L3MBTL4: variants seen among roughly 807,000 people sequenced by gnomAD.
L3MBTL4 encodes the protein lethal(3)malignant brain tumor-like protein 4.
In L3MBTL4, 70 loss-of-function variants were observed where a neutral mutation model predicts 84.5. The ratio of observed to expected loss-of-function variants is 0.83; its 90% confidence interval spans 0.68 to 1.01. L3MBTL4 has a LOEUF of 1.01. Ranked by LOEUF, L3MBTL4 falls within the 50% of genes least tolerant of loss-of-function variation. The pLI is 0.00. For synonymous variants in L3MBTL4, 274 were observed against 259.8 expected, an observed-to-expected ratio of 1.05 and a Z score of -0.52; for missense variants, 715 against 754.8, an observed-to-expected ratio of 0.95 and a Z score of 0.62.
intron 1 of L3MBTL4, among the ~76,000 whole-genome samples, chr18:6,349,465 A>G (rs341193): frequency 0.26 from 39,113 of 152,114 alleles, 6,286 homozygotes; most frequent in African/African-American, 0.46. Context: ...GCGGTGACTC[A>G]TGTCTATAAT....
rs533897435 is a variant in L3MBTL4 at position 6,029,803 on chromosome 18, G to A, written c.1444+51078C>T. Reference sequence around the variant, plus strand: ...AAAAACTGATATTAAAGTTCATTTGGAAAAATGAACGAGTAAGGGTAGCTG... The same window carrying A: ...AAAAACTGATATTAAAGTTCATTTGAAAAAATGAACGAGTAAGGGTAGCTG... On this transcript the variant is annotated intron_variant, in intron 16 of 18. Transcript: ENST00000317931. The A allele has an allele frequency of 7.3e-5, 72 of 985,358 alleles. No individual in the cohort carries two copies. In the African/African-American group the frequency reaches 1.1e-3, roughly 15 times the overall value. The allele number at this position is 985,358 out of a possible 1,614,324, so 61.0% of individuals were successfully genotyped here. A position where few individuals can be genotyped will look rare whatever the true frequency, so the allele number is the denominator to read the frequency against.
At chr18:5,983,612 C>T (rs571298) in intron 16 of L3MBTL4, among the ~76,000 whole-genome samples, 59,224 of 151,934 alleles carry the variant, frequency 0.39, 13,981 homozygotes, top group African/African-American at 0.66. Flanking sequence ...TTGGTTATCA[C>T]GGGTAATATT....
chr18:6,314,040 A>T (rs1274152235), intron 1 of L3MBTL4, among the ~76,000 whole-genome samples: 1 of 6,662 alleles, frequency 1.5e-4, no homozygotes, highest in African/African-American at 6.9e-4. Context: ...GGCAGATGAT[A>T]GATAGATAGA....
At chr18:6,134,098 G>A (rs1245939549) in intron 14 of L3MBTL4, among the ~76,000 whole-genome samples, 2 of 152,078 alleles carry the variant, frequency 1.3e-5, no homozygotes, top group Non-Finnish European at 2.9e-5. Context: ...GAGGGTGAAA[G>A]GCACTTCTTA....
chr18:6,382,815 C>T (rs892011974), intron 1 of L3MBTL4, among the ~76,000 whole-genome samples: 7 of 152,206 alleles, frequency 4.6e-5, no homozygotes, highest in Non-Finnish European at 1.5e-5. Flanking sequence ...AGGAGGCAGT[C>T]TGACCCTTAG....
At chr18:6,238,548 A>G (rs1357773629) in intron 9 of L3MBTL4, among the ~76,000 whole-genome samples, 1 of 152,126 alleles carries the variant, frequency 6.6e-6, no homozygotes, top group African/African-American at 2.4e-5. Context: ...AAAAAAGTAT[A>G]AAATTAACAG....
chr18:6,243,530 T>C, intron 6 of L3MBTL4, 101 bp from the exon 7 acceptor site: 1 of 917,092 alleles, frequency 1.1e-6, no homozygotes, highest in Non-Finnish European at 1.6e-6. Context: ...ACTATCAACA[T>C]ATAAGAGCCA....
chr18:6,163,182 A>G (rs2145039455), intron 13 of L3MBTL4, among the ~76,000 whole-genome samples: 1 of 148,208 alleles, frequency 6.7e-6, no homozygotes, highest in South Asian at 2.2e-4. Context: ...TGGAAAAAGA[A>G]TTCAGTGATA....
chr18:6,066,434 A>G (rs2057401344), intron 16 of L3MBTL4, among the ~76,000 whole-genome samples: 1 of 152,066 alleles, frequency 6.6e-6, no homozygotes, highest in Non-Finnish European at 1.5e-5. Context: ...ATGATCTTCT[A>G]GTACTGTTGG....
At chr18:5,963,437 C>T (rs113654629) in intron 17 of L3MBTL4, among the ~76,000 whole-genome samples, 2 of 152,332 alleles carry the variant, frequency 1.3e-5, no homozygotes, top group East Asian at 1.9e-4. Flanking sequence ...AGAGCAGACG[C>T]GGCCCTGCCC....
intron 5 of L3MBTL4, among the ~76,000 whole-genome samples, chr18:6,253,012 G>A (rs1380995858): frequency 6.6e-6 from 1 of 152,140 alleles, no homozygotes; most frequent in African/African-American, 2.4e-5. Context: ...GACCATCCTG[G>A]CCAACGTGGT....
chr18:6,199,262 AC>A (rs1448286335), intron 12 of L3MBTL4, among the ~76,000 whole-genome samples: 1 of 152,164 alleles, frequency 6.6e-6, no homozygotes, highest in East Asian at 1.9e-4. Flanking sequence ...CACTATTTCT[AC>A]TTGCAACTGG....
chr18:6,043,468 C>A (rs1429504171), intron 16 of L3MBTL4, among the ~76,000 whole-genome samples: 2 of 152,182 alleles, frequency 1.3e-5, no homozygotes, highest in Non-Finnish European at 2.9e-5. Context: ...TCATCACCTG[C>A]TGCTCATCCC....
chr18:6,284,878 G>A (rs1201706753), intron 4 of L3MBTL4, among the ~76,000 whole-genome samples: 2 of 152,218 alleles, frequency 1.3e-5, no homozygotes, highest in Non-Finnish European at 2.9e-5. Flanking sequence ...CGCCCAGCGT[G>A]GGCAGTCGGA....
At chr18:6,300,158 C>T (rs890871738) in intron 4 of L3MBTL4, among the ~76,000 whole-genome samples, 5 of 152,096 alleles carry the variant, frequency 3.3e-5, no homozygotes, top group Non-Finnish European at 7.4e-5. Flanking sequence ...GAAAAATCCC[C>T]ATTATAATGC....
At chr18:5,959,839 G>A (rs2095253356) in intron 18 of L3MBTL4, among the ~76,000 whole-genome samples, 1 of 151,908 alleles carries the variant, frequency 6.6e-6, no homozygotes, top group African/African-American at 2.4e-5. Context: ...ACAAAACCTA[G>A]CAAAATGTAA....
chr18:6,039,696 G>A (rs1178600518), intron 16 of L3MBTL4, among the ~76,000 whole-genome samples: 1 of 152,190 alleles, frequency 6.6e-6, no homozygotes, highest in Non-Finnish European at 1.5e-5. Context: ...TGACCAGCGT[G>A]GTTATCTCAA....
At chr18:6,056,572 G>C (rs1479665728) in intron 16 of L3MBTL4, among the ~76,000 whole-genome samples, 1 of 152,152 alleles carries the variant, frequency 6.6e-6, no homozygotes, top group Non-Finnish European at 1.5e-5. Flanking sequence ...TTGAGAGGTA[G>C]AGAAAGGCTC....
chr18:5,981,382 C>T (rs596997), intron 16 of L3MBTL4, among the ~76,000 whole-genome samples: 65,712 of 152,002 alleles, frequency 0.43, 14,646 homozygotes, highest in East Asian at 0.64. Flanking sequence ...ATTCCATAGA[C>T]TTCAGTCTTT....
Sources: allele counts gnomAD v4.1 joint callset (sites outside exome capture counted in the v4.1 genomes callset), GRCh38; gene constraint gnomAD v4.1.1; transcripts MANE v1.5; gene names NCBI Gene and HGNC (gene_info 2026-07-23, HGNC 2026-07-21).